The following MPP7 variants were observed in gnomAD, a reference collection of about 807,000 sequenced individuals.
MPP7 encodes MAGUK p55 subfamily member 7.
In MPP7, 60 loss-of-function variants were observed where a neutral mutation model predicts 76.5. The observed-to-expected ratio is 0.78, with a 90% CI of 0.64 to 0.97. The LOEUF is 0.97. Ranked by LOEUF, MPP7 falls within the 50% of genes least tolerant of loss-of-function variation. The probability of loss-of-function intolerance (pLI) is 0.00; values close to 1 mark genes in which losing one functional copy is unlikely to be tolerated. For synonymous variants in MPP7, 237 were observed against 244.5 expected, an observed-to-expected ratio of 0.97 and a Z score of 0.29; for missense variants, 641 against 694.0, an observed-to-expected ratio of 0.92 and a Z score of 0.86.
In MPP7 at chr10:28,119,717, T is replaced by C; in HGVS notation, c.888-2A>G. 6.2e-7 allele frequency: 1 copy of C among 1,613,032 alleles called. No individual in the cohort carries two copies. The highest frequency in any genetic ancestry group is 8.5e-7 in the Non-Finnish European group (1 of 1,179,196). On this transcript the variant is annotated splice_acceptor_variant, in intron 10 of 16. Coordinates refer to ENST00000683449, the MANE Select transcript of MPP7 (RefSeq NM_001318170.2). LOFTEE classifies it high-confidence loss of function. ...TCTGGTCGTCTCAAAGCCAATCTCC[T>C]GGGAGAAAGAAGGTCAACATACCTA...
intron 1 of MPP7, among the ~76,000 whole-genome samples, chr10:28,276,777 A>G (rs897384239): frequency 6.6e-6 from 1 of 152,124 alleles, no homozygotes; most frequent in Admixed American, 6.5e-5. Flanking sequence ...TATTTTGAGA[A>G]CAGCACAATG....
chr10:28,250,955 T>C (rs1839594679), intron 1 of MPP7, among the ~76,000 whole-genome samples: 1 of 152,230 alleles, frequency 6.6e-6, no homozygotes, highest in Admixed American at 6.5e-5. Flanking sequence ...GCAATTCCTT[T>C]CAAATTCAGT....
At chr10:28,317,706 TAC>T (rs1459367385) in intron 2 of MPP7, among the ~76,000 whole-genome samples, 5 of 152,150 alleles carry the variant, frequency 3.3e-5, no homozygotes, top group African/African-American at 1.2e-4. Flanking sequence ...ACCACATTGA[TAC>T]AGTGGCAGGA....
chr10:28,127,915 T>C (rs1187013660), intron 6 of MPP7, among the ~76,000 whole-genome samples: 1 of 151,926 alleles, frequency 6.6e-6, no homozygotes, highest in African/African-American at 2.4e-5. Flanking sequence ...AGTTAGCCAA[T>C]GGGAAGGAAC....
intron 2 of MPP7, among the ~76,000 whole-genome samples, chr10:28,228,978 G>C (rs1379802467): frequency 6.6e-6 from 1 of 152,132 alleles, no homozygotes; most frequent in Non-Finnish European, 1.5e-5. Context: ...GGTTAAGAAA[G>C]ATAAGGGATA....
intron 1 of MPP7, among the ~76,000 whole-genome samples, chr10:28,267,026 G>A (rs570039093): frequency 4.9e-4 from 75 of 152,208 alleles, no homozygotes; most frequent in Non-Finnish European, 6.0e-4. Context: ...AAGGTATGCC[G>A]TGTGCCATCT....
chr10:28,246,502 A>G (rs1322061900), intron 1 of MPP7, among the ~76,000 whole-genome samples: 4 of 152,230 alleles, frequency 2.6e-5, no homozygotes. Context: ...CCACATGAAA[A>G]TATAAAGCTC....
chr10:28,247,399 A>G (rs1384924319), intron 1 of MPP7, among the ~76,000 whole-genome samples: 1 of 152,246 alleles, frequency 6.6e-6, no homozygotes, highest in Admixed American at 6.5e-5. Context: ...TAAGGACAGC[A>G]CTAAAAAGTT....
intron 1 of MPP7, among the ~76,000 whole-genome samples, chr10:28,290,850 C>T (rs1840901304): frequency 6.6e-6 from 1 of 152,192 alleles, no homozygotes; most frequent in Admixed American, 6.5e-5. Flanking sequence ...CACCTAGAAT[C>T]TTAATGCCCA....
At chr10:28,103,520 T>C (rs951445914) in intron 11 of MPP7, among the ~76,000 whole-genome samples, 1 of 152,168 alleles carries the variant, frequency 6.6e-6, no homozygotes, top group African/African-American at 2.4e-5. Flanking sequence ...TTGACCACCA[T>C]ATTTAAATTT....
intron 3 of MPP7, among the ~76,000 whole-genome samples, chr10:28,158,774 C>T (rs1836157129): frequency 6.6e-6 from 1 of 152,176 alleles, no homozygotes; most frequent in Non-Finnish European, 1.5e-5. Flanking sequence ...TTTTGGGTTA[C>T]ACAAGCCATG....
chr10:28,293,045 A>T (rs1288541339), intron 1 of MPP7, among the ~76,000 whole-genome samples: 12 of 98,488 alleles, frequency 1.2e-4, no homozygotes, highest in African/African-American at 3.8e-4. Context: ...CAGAAGGTTA[A>T]AAAAAAAAAA....
At chr10:28,170,447 G>A (rs1231724719) in intron 3 of MPP7, among the ~76,000 whole-genome samples, 3 of 151,830 alleles carry the variant, frequency 2.0e-5, no homozygotes, top group Non-Finnish European at 2.9e-5. Context: ...TAAGATTACA[G>A]GGGTGAACCA....
intron 11 of MPP7, among the ~76,000 whole-genome samples, chr10:28,095,932 C>T (rs937724543): frequency 2.0e-5 from 3 of 152,134 alleles, no homozygotes; most frequent in Non-Finnish European, 4.4e-5. Context: ...TTGAAAGGAA[C>T]GGCACGTTTA....
chr10:28,087,594 C>T (rs7478239), intron 12 of MPP7, among the ~76,000 whole-genome samples: 42,049 of 152,016 alleles, frequency 0.28, 7,021 homozygotes, highest in East Asian at 0.77. Context: ...CAGGGTCTTG[C>T]CATGTTGGGC....
chr10:28,190,016 T>A (rs560642381), intron 3 of MPP7, among the ~76,000 whole-genome samples: 9 of 152,110 alleles, frequency 5.9e-5, no homozygotes, highest in African/African-American at 2.2e-4. Flanking sequence ...CCAAAAAAGA[T>A]GGAGTACATA....
At chr10:28,180,086 T>A (rs2133903218) in intron 3 of MPP7, among the ~76,000 whole-genome samples, 1 of 152,112 alleles carries the variant, frequency 6.6e-6, no homozygotes, top group East Asian at 1.9e-4. Context: ...TCAAAAAAAA[T>A]AGGAAAGTTT....
chr10:28,327,472 C>T (rs911378937), intron 2 of MPP7, among the ~76,000 whole-genome samples: 6 of 151,946 alleles, frequency 3.9e-5, no homozygotes, highest in Non-Finnish European at 5.9e-5. Context: ...TTCTTCAATT[C>T]GTGGACTAAT....
intron 1 of MPP7, among the ~76,000 whole-genome samples, chr10:28,288,147 AACC>A (rs1025939102): frequency 1.3e-5 from 2 of 150,884 alleles, no homozygotes; most frequent in Non-Finnish European, 3.0e-5. Flanking sequence ...CAAAAATGTA[AACC>A]ACCACCACTC....
Sources: gnomAD v4.1 joint callset for allele counts (sites outside exome capture counted in the v4.1 genomes callset) on GRCh38, gnomAD v4.1.1 for gene constraint, MANE v1.5 for transcripts, NCBI Gene and HGNC (gene_info 2026-07-23, HGNC 2026-07-21) for gene names.